The following NTPCR variants were observed in gnomAD, a reference collection of about 807,000 sequenced individuals.
NTPCR encodes the protein nucleoside-triphosphatase, cancer-related, also known as cancer-related nucleoside-triphosphatase.
Under a neutral mutation model 19.5 loss-of-function variants are expected in NTPCR, and 15 were observed. The ratio of observed to expected loss-of-function variants is 0.77; its 90% CI spans 0.51 to 1.18. The LOEUF (loss-of-function observed/expected upper bound fraction) is 1.18, where lower values mean the gene tolerates loss of function less well. Ranked by LOEUF, NTPCR falls within the 50% of genes most tolerant of loss-of-function variation. The pLI, the probability that NTPCR is intolerant of heterozygous loss-of-function variation, is 0.00. For missense variants in NTPCR, 206 were observed against 240.4 expected, an observed-to-expected ratio of 0.86 and a Z score of 0.95; for synonymous variants, 90 against 95.8, an observed-to-expected ratio of 0.94 and a Z score of 0.36.
intron 4 of NTPCR, among the ~76,000 whole-genome samples, chr1:232,970,780 C>T (rs1488065820): frequency 6.6e-6 from 1 of 152,168 alleles, no homozygotes. Context: ...GTCACACTGG[C>T]CACATCTGAG....
chr1:232,978,837 G>A lies in NTPCR; in HGVS notation c.*606G>A, dbSNP rs1669217657. 6.6e-6 allele frequency: 1 copy of A among 152,264 alleles called. No homozygotes were observed. The highest frequency in any genetic ancestry group is 6.5e-5 in the Admixed American group (1 of 15,288). 9.4% of individuals were successfully genotyped at this position (152,264 alleles called of 1,614,324 possible). A position where few individuals can be genotyped will look rare whatever the true frequency, so the allele number is the denominator to read the frequency against. ...TGGGAGGAATACACAACCTTTGGAA[G>A]TGTTGATAGCATCTGATATTCAGCC... On this transcript the variant is annotated 3_prime_UTR_variant, in exon 5 of 5. Coordinates refer to ENST00000366628, the MANE Select transcript of NTPCR (RefSeq NM_032324.3).
Position 232,983,777 on chromosome 1 carries a change from CACTT to C in NTPCR, c.*5548_*5551del, listed in dbSNP as rs1669348763. The stretch of plus-strand genomic sequence containing the variant: ...TTATAAAGAAATAGGGTTTTCTTGA[CACTT>C]AGATTTAACCTTAATGCATCTGCCC... On this transcript the variant is annotated 3_prime_UTR_variant, in exon 5 of 5. Coordinates refer to ENST00000366628, the MANE Select transcript of NTPCR (RefSeq NM_032324.3). The C allele has an allele frequency of 6.6e-6, 1 of 152,216 alleles. No individual in the cohort carries two copies. Among genetic ancestry groups the C allele is most frequent in the African/African-American group, 2.4e-5 (1 of 41,438 alleles). The allele number at this position is 152,216 out of a possible 1,614,324, so 9.4% of individuals were successfully genotyped here.
intron 3 of NTPCR, chr1:232,966,151 G>T (rs1668811363): frequency 6.6e-6 from 1 of 152,230 alleles, no homozygotes; most frequent in African/African-American, 2.4e-5. Context: ...AGTGGGTGAG[G>T]AATTGTGGGC....
intron 3 of NTPCR, chr1:232,964,428 C>G (rs536630271): frequency 6.6e-6 from 1 of 152,176 alleles, no homozygotes; most frequent in East Asian, 1.9e-4. Context: ...TTCTTTGACA[C>G]TAATGAGCAG....
At chr1:232,964,398 A>G (rs939206885) in intron 3 of NTPCR, 1 of 152,108 alleles carries the variant, frequency 6.6e-6, no homozygotes, top group Non-Finnish European at 1.5e-5. Flanking sequence ...CTATTTCTCC[A>G]CTGTATAGTT....
chr1:232,961,520 C>T (rs1336089034), intron 3 of NTPCR, among the ~76,000 whole-genome samples: 1 of 152,190 alleles, frequency 6.6e-6, no homozygotes, highest in Non-Finnish European at 1.5e-5. Context: ...TTTAGTTGTT[C>T]ATCCATTGCT....
At position 232,982,668 on chromosome 1, in the gene NTPCR, T is replaced by C. The variant is rs1231338456; in HGVS notation, c.*4437T>C. ...CTGGGTTTCTAGCTCTTTGGGGAGA[T>C]TCCCCGTTTTGTGGAATGCTTTCTG... On this transcript the variant is annotated 3_prime_UTR_variant, in exon 5 of 5. Transcript: ENST00000366628. 1.3e-5 allele frequency: 2 copies of C among 152,234 alleles called. No homozygotes were observed. Among genetic ancestry groups the C allele is most frequent in the African/African-American group, 2.4e-5 (1 of 41,474 alleles). The allele number at this position is 152,234 out of a possible 1,614,324, so 9.4% of individuals were successfully genotyped here.
rs1189441485 is a variant in NTPCR, at chr1:232,981,784, C to T, written c.*3553C>T. Reference sequence around the variant, plus strand: ...TTGAGCTGGAGTGCAGTGGTGCTATCTCGGCTCACTGTAACCTCCGCCTCC... The same window carrying T: ...TTGAGCTGGAGTGCAGTGGTGCTATTTCGGCTCACTGTAACCTCCGCCTCC... On this transcript the variant is annotated 3_prime_UTR_variant, in exon 5 of 5. Coordinates refer to ENST00000366628, the MANE Select transcript of NTPCR (RefSeq NM_032324.3). 2.1e-5 allele frequency: 3 copies of T among 141,702 alleles called. No homozygotes were observed. The highest frequency in any genetic ancestry group is 7.9e-5 in the African/African-American group (3 of 38,030). 8.8% of individuals were successfully genotyped at this position (141,702 alleles called of 1,614,324 possible). A position where few individuals can be genotyped will look rare whatever the true frequency, so the allele number is the denominator to read the frequency against.
At chr1:232,972,488 A>T (rs1343456302) in intron 4 of NTPCR, among the ~76,000 whole-genome samples, 1 of 151,834 alleles carries the variant, frequency 6.6e-6, no homozygotes, top group Admixed American at 6.6e-5. Flanking sequence ...GTGCAGTGGC[A>T]TGCTCTTGGC....
chr1:232,982,600 G>C lies in NTPCR; in HGVS notation c.*4369G>C, dbSNP rs1300815048. The C allele has an allele frequency of 6.6e-6, 1 of 152,280 alleles. No homozygotes were observed. Among genetic ancestry groups the C allele is most frequent in the Non-Finnish European group, 1.5e-5 (1 of 68,060 alleles). The allele number at this position is 152,280 out of a possible 1,614,324, so 9.4% of individuals were successfully genotyped here. On this transcript the variant is annotated 3_prime_UTR_variant, in exon 5 of 5. Coordinates refer to ENST00000366628, the MANE Select transcript of NTPCR (RefSeq NM_032324.3). ...GAGAAACGGGATGGAGGAGCACCCA[G>C]GGTGCTCTTGCTCTCTTGCCTGCGC...
At position 232,970,201 on chromosome 1, in the gene NTPCR, T is replaced by G. The variant is rs1668938270; in HGVS notation, c.504+83T>G. 3 of 1,148,688 alleles carry G rather than the reference T, an allele frequency of 2.6e-6. No individual in the cohort carries two copies. The African/African-American group carries it at 4.6e-5, about 18-fold the overall frequency. 71.2% of individuals were successfully genotyped at this position (1,148,688 alleles called of 1,614,324 possible). On this transcript the variant is annotated intron_variant, in intron 4 of 4. Coordinates refer to ENST00000366628, the MANE Select transcript of NTPCR (RefSeq NM_032324.3). ...AGATGGCTCTAAAATATCTCTTTGG[T>G]TTTGAGTTAACATTTTTTCCCTTCC...
intron 4 of NTPCR, among the ~76,000 whole-genome samples, chr1:232,975,831 C>T (rs1475614136): frequency 6.6e-6 from 1 of 152,198 alleles, no homozygotes; most frequent in Non-Finnish European, 1.5e-5. Context: ...TTCCTGCTCC[C>T]AGCTCCCAGT....
intron 3 of NTPCR, chr1:232,969,365 G>C (rs1668909262): frequency 6.4e-6 from 1 of 155,196 alleles, no homozygotes; most frequent in African/African-American, 2.4e-5. Context: ...AATACCTCAG[G>C]CTTAAAAAAA....
At chr1:232,957,209 T>G (rs1668535255) in intron 3 of NTPCR, among the ~76,000 whole-genome samples, 1 of 152,256 alleles carries the variant, frequency 6.6e-6, no homozygotes, top group South Asian at 2.1e-4. Flanking sequence ...AATACTGGTC[T>G]AATAGAGTTA....
rs1019967986 is a variant in NTPCR at position 232,980,587 on chromosome 1, A to G, written c.*2356A>G. Reference sequence around the variant, plus strand: ...TAGTCAAACAGAATGATCATGGAGCATGTATGGAGATGTCAGATGCAATCC... The same window carrying G: ...TAGTCAAACAGAATGATCATGGAGCGTGTATGGAGATGTCAGATGCAATCC... On this transcript the variant is annotated 3_prime_UTR_variant, in exon 5 of 5. Transcript: ENST00000366628. The G allele has an allele frequency of 1.3e-5, 2 of 152,224 alleles. No individual in the cohort carries two copies. The highest frequency in any genetic ancestry group is 4.8e-5 in the African/African-American group (2 of 41,456). The allele number at this position is 152,224 out of a possible 1,614,324, so 9.4% of individuals were successfully genotyped here.
In NTPCR at chr1:232,956,389, G is replaced by A; in HGVS notation, c.240G>A (p.Gln80=). The change falls in exon 3 of 5, where the codon CAG becomes CAA. Residue 80 remains glutamine (Q), a synonymous_variant. Transcript: ENST00000366628. ...PPGKRECRVG[Q]YVVDLTSFEQ... ...GAAAACGTGAATGCCGAGTTGGGCA[G>A]TATGTGGTCGACCTGACTTCTTTTG... 6.2e-7 allele frequency: 1 copy of A among 1,613,984 alleles called. No individual in the cohort carries two copies. Among genetic ancestry groups the A allele is most frequent in the Non-Finnish European group, 8.5e-7 (1 of 1,179,846 alleles).
chr1:232,956,269 G>A, intron 2 of NTPCR, 78 bp from the exon 3 acceptor site: 2 of 944,254 alleles, frequency 2.1e-6, no homozygotes, highest in Non-Finnish European at 3.4e-6. Context: ...TGGAATGCCA[G>A]AGGCTCAGTG....
Position 232,972,584 on chromosome 1 carries a change from C to T in NTPCR, c.504+2466C>T, listed in dbSNP as rs144261394. 7.9e-5 allele frequency among the ~76,000 whole-genome samples: 12 copies of T among 152,208 alleles called. No homozygotes were observed. The East Asian group carries it at 2.3e-3, about 29-fold the overall frequency. ...GGGACTACAGGCATGTGCCACCACA[C>T]CTGACTCATTTGTGCATTTTTTGTA... On this transcript the variant is annotated intron_variant, in intron 4 of 4. Transcript: ENST00000366628.
Position 232,969,921 on chromosome 1 carries a change from A to G in NTPCR, c.307A>G (p.Ser103Gly), listed in dbSNP as rs755965063. Residue 103 changes from serine to glycine, a missense_variant, in exon 4 of 5, where the codon AGT becomes GGT. Ser to Gly is a moderately conservative substitution (Grantham distance 56). Transcript: ENST00000366628. The stretch of plus-strand genomic sequence containing the variant: ...TTGTCATTCTCAGGCCGACTGCAGC[A>G]GTGGCCCAGGGCAAAGAGTGTGCGT... The part of the protein sequence containing the change: ...LPVLRNADCS[S>G]GPGQRVCVID... 2 of 1,614,076 alleles carry G rather than the reference A, an allele frequency of 1.2e-6. No homozygotes were observed. The highest frequency in any genetic ancestry group is 1.7e-5 in the Admixed American group (1 of 60,024).
Sources: gnomAD v4.1 joint callset for allele counts (sites outside exome capture counted in the v4.1 genomes callset) on GRCh38, gnomAD v4.1.1 for gene constraint, MANE v1.5 for transcripts, NCBI Gene and HGNC (gene_info 2026-07-23, HGNC 2026-07-21) for gene names.